The following PFAS variants were observed in gnomAD, a reference collection of about 807,000 sequenced individuals.
PFAS encodes the protein phosphoribosylformylglycinamidine synthase.
A neutral mutation model predicts 140.6 loss-of-function variants in PFAS; 97 were observed. The ratio of observed to expected loss-of-function variants is 0.69; its 90% CI spans 0.59 to 0.82. PFAS has a LOEUF of 0.82. PFAS is among the 40% of genes least tolerant of loss of function. The probability of loss-of-function intolerance (pLI) is 0.00; values close to 1 mark genes in which losing one functional copy is unlikely to be tolerated. For synonymous variants in PFAS, 679 were observed against 718.8 expected, an observed-to-expected ratio of 0.94 and a Z score of 0.88; for missense variants, 1,656 against 1,780.2, an observed-to-expected ratio of 0.93 and a Z score of 1.26.
chr17:8,268,022 T>C (rs1440546062), intron 26 of PFAS, among the ~76,000 whole-genome samples: 3 of 131,752 alleles, frequency 2.3e-5, no homozygotes, highest in Non-Finnish European at 3.1e-5. Context: ...ATATTATTTA[T>C]ATATTATTAA....
intron 11 of PFAS, among the ~76,000 whole-genome samples, chr17:8,260,004 G>A (rs1989527124): frequency 6.6e-6 from 1 of 152,022 alleles, no homozygotes; most frequent in South Asian, 2.1e-4. Context: ...GGGAGGCTGA[G>A]GCAGGAGAAT....
At position 8,265,902 on chromosome 17, in the gene PFAS, G is replaced by C; in HGVS notation, c.2586G>C (p.Arg862=). ...LYVALSPGQH[R]LGGTALAQCF... is the part of the protein sequence containing the mutation. ...TGGCTCTGAGCCCTGGGCAGCACCG[G>C]CTCGGGGGCACAGCTCTGGCCCAGT... The change falls in exon 21 of 28, where the codon CGG becomes CGC. Residue 862 remains arginine, a synonymous_variant. Coordinates refer to ENST00000314666, the MANE Select transcript of PFAS (RefSeq NM_012393.3). 6.2e-7 allele frequency: 1 copy of C among 1,612,510 alleles called. No individual in the cohort carries two copies.
In PFAS at chr17:8,266,510, A is replaced by T; in HGVS notation, c.2821+157A>T. 3 of 1,468,930 alleles carry T rather than the reference A, an allele frequency of 2.0e-6. No individual in the cohort carries two copies. The highest frequency in any genetic ancestry group is 2.6e-5 in the Admixed American group (1 of 38,728). The allele number at this position is 1,468,930 out of a possible 1,614,324, so 91.0% of individuals were successfully genotyped here. On this transcript the variant is annotated intron_variant, in intron 22 of 27. Coordinates refer to ENST00000314666, the MANE Select transcript of PFAS (RefSeq NM_012393.3). The surrounding 1 kb of genome is among the most constrained non-coding windows in gnomAD (Gnocchi z 5.0). ...GCTGTCTCTCTGACAGCTGAACTGGATGGAACTGGCTGACACCCACCATGT... is the reference window on the plus strand; with the variant it reads ...GCTGTCTCTCTGACAGCTGAACTGGTTGGAACTGGCTGACACCCACCATGT...
In PFAS at chr17:8,258,156, G is replaced by A. The variant is rs760029218; in HGVS notation, c.1293G>A (p.Gly431=). The A allele has an allele frequency of 5.0e-6, 8 of 1,614,120 alleles. No individual in the cohort carries two copies. The highest frequency in any genetic ancestry group is 1.7e-5 in the Admixed American group (1 of 60,020). Residue 431 remains glycine, a synonymous_variant, in exon 11 of 28, where the codon GGG becomes GGA. Transcript: ENST00000314666. ...IKPIMFSGGI[G]SMEADHISKE... ...CCATCATGTTTAGTGGGGGCATTGG[G>A]TCCATGGAAGCTGACCACATAAGCA...
intron 9 of PFAS, among the ~76,000 whole-genome samples, chr17:8,257,487 C>T (rs1001874054): frequency 1.8e-4 from 27 of 152,084 alleles, no homozygotes; most frequent in African/African-American, 6.3e-4. Context: ...ACCCGGGAGG[C>T]GGAGCTTTCA....
rs1476563547 is a variant in PFAS at position 8,256,524 on chromosome 17, T to A, written c.822T>A (p.Ser274Arg). ...NNVLKFCDNSSAIQGKEVRFL... is the reference protein window; with the variant it reads ...NNVLKFCDNSRAIQGKEVRFL... ...AGGTCCATGACGGGTATGTCCACAG[T>A]GCAATCCAGGGAAAGGAAGTCCGAT... The change falls in exon 8 of 28, where the codon AGT (serine) becomes AGA (arginine). Residue 274 changes from serine to arginine, a missense_variant and splice_region_variant. Ser to Arg is a moderately radical substitution (Grantham distance 110). This residue lies in a region of PFAS where 773 missense variants were observed against 757.3 expected (regional missense o/e 1.02). Coordinates refer to ENST00000314666, the MANE Select transcript of PFAS (RefSeq NM_012393.3). 1 of 1,613,994 alleles carries A rather than the reference T, an allele frequency of 6.2e-7. No individual in the cohort carries two copies. The highest frequency in any genetic ancestry group is 8.5e-7 in the Non-Finnish European group (1 of 1,180,034).
intron 1 of PFAS, among the ~76,000 whole-genome samples, chr17:8,251,791 C>T (rs762509380): frequency 6.6e-6 from 1 of 151,494 alleles, no homozygotes; most frequent in Non-Finnish European, 1.5e-5. Flanking sequence ...CCTGCCTCAG[C>T]CTCCCGAGTA....
chr17:8,251,261 G>T (rs1453193039), intron 1 of PFAS, among the ~76,000 whole-genome samples: 1 of 152,064 alleles, frequency 6.6e-6, no homozygotes, highest in African/African-American at 2.4e-5. Context: ...ACTCCAGCCT[G>T]GCAACAGAGT....
upstream of PFAS, among the ~76,000 whole-genome samples, chr17:8,248,771 C>G (rs9907212): frequency 0.1 from 15,568 of 152,176 alleles, 1,320 homozygotes; most frequent in East Asian, 0.3. Flanking sequence ...GTTGCCCAGA[C>G]TGGTCTCGAA....
intron 3 of PFAS, 37 bp from the exon 4 acceptor site, chr17:8,254,990 G>A (rs1989301444): frequency 1.4e-6 from 2 of 1,471,276 alleles, no homozygotes; most frequent in Non-Finnish European, 9.5e-7. Context: ...GGCCTGCCGG[G>A]GGTTCTCCAG....
rs1989252582 is a variant in PFAS, at chr17:8,253,842, T to G, written c.-79-17T>G. ...ATGTGAGCCACCACGCCCGGCTTAG[T>G]TAATGTTATTTTTTAGGAACCTAAT... On this transcript the variant is annotated splice_polypyrimidine_tract_variant and intron_variant, in intron 1 of 27. Transcript: ENST00000314666. 6.7e-7 allele frequency: 1 copy of G among 1,493,686 alleles called. No individual in the cohort carries two copies. Among genetic ancestry groups the G allele is most frequent in the East Asian group, 2.3e-5 (1 of 42,852 alleles). 92.5% of individuals were successfully genotyped at this position (1,493,686 alleles called of 1,614,324 possible).
rs1330938126 is a variant in PFAS at position 8,254,735 on chromosome 17, C to G, written c.279-292C>G. 2.0e-5 allele frequency among the ~76,000 whole-genome samples: 3 copies of G among 152,194 alleles called. No individual in the cohort carries two copies. In the East Asian group the frequency reaches 5.8e-4, roughly 29 times the overall value. Reference sequence around the variant, plus strand: ...AGGAGAATGGTGTGAACCCGGGAGGCAGAGGTTGCAGTGAACCGAGATCAC... The same window carrying G: ...AGGAGAATGGTGTGAACCCGGGAGGGAGAGGTTGCAGTGAACCGAGATCAC... On this transcript the variant is annotated intron_variant, in intron 3 of 27. Transcript: ENST00000314666.
upstream of PFAS, chr17:8,248,004 G>C (rs757066174): frequency 6.2e-7 from 1 of 1,610,776 alleles, no homozygotes; most frequent in Admixed American, 1.7e-5. Flanking sequence ...CAGCACTCAC[G>C]GAGGAAGGGA....
rs1164713254 is a variant in PFAS at position 8,269,323 on chromosome 17, T to A, written c.*59T>A. ...TTTCACCTAAGTGGGTCCTGCCCCC[T>A]CCCCCATGACCTTCAGGAGCACCCC... On this transcript the variant is annotated 3_prime_UTR_variant, in exon 28 of 28. Transcript: ENST00000314666. 8.1e-7 allele frequency: 1 copy of A among 1,239,580 alleles called. No individual in the cohort carries two copies. The highest frequency in any genetic ancestry group is 1.1e-6 in the Non-Finnish European group (1 of 880,124). The allele number at this position is 1,239,580 out of a possible 1,614,324, so 76.8% of individuals were successfully genotyped here.
rs117346763 is a variant in PFAS, at chr17:8,267,870, G to A, written c.3382+205G>A. Among the ~76,000 whole-genome samples the A allele has an allele frequency of 0.04, 5,808 of 143,856 alleles. 210 individuals are homozygous for A. The highest frequency in any genetic ancestry group is 0.093 in the African/African-American group (3,666 of 39,252). 94.4% of individuals were successfully genotyped at this position (143,856 alleles called of 152,430 possible). ...AAAAAAAGTATATATATACACATAT[G>A]TAATTAAAATATATATTATTAAATA... On this transcript the variant is annotated intron_variant, in intron 26 of 27. Coordinates refer to ENST00000314666, the MANE Select transcript of PFAS (RefSeq NM_012393.3). The surrounding 1 kb of genome is among the most constrained non-coding windows in gnomAD (Gnocchi z 4.9).
intron 11 of PFAS, among the ~76,000 whole-genome samples, chr17:8,260,306 A>C (rs149302651): frequency 2.0e-5 from 3 of 152,294 alleles, no homozygotes; most frequent in African/African-American, 4.8e-5. Flanking sequence ...TTTTCAGCAC[A>C]ATTATAATCT....
chr17:8,269,067 C>A lies in PFAS; in HGVS notation c.3820C>A (p.Pro1274Thr). ...GNPTEQYPLN[P>T]NGSPGGVAGI... is the part of the protein sequence containing the mutation. ...CCCCACAGAGCAGTACCCTCTGAAT[C>A]CCAATGGGTCCCCAGGGGGCGTGGC... Residue 1274 changes from proline (P) to threonine (T), a missense_variant, in exon 28 of 28, where the codon CCC (proline) becomes ACC (threonine). Transcript: ENST00000314666. 6.2e-7 allele frequency: 1 copy of A among 1,614,110 alleles called. No homozygotes were observed. The highest frequency in any genetic ancestry group is 8.5e-7 in the Non-Finnish European group (1 of 1,179,924).
upstream of PFAS, chr17:8,248,081 G>T: frequency 1.4e-6 from 2 of 1,475,154 alleles, no homozygotes; most frequent in Middle Eastern, 4.6e-4. Flanking sequence ...TGCTCGCTTG[G>T]GGGTGGGGAT....
At chr17:8,249,888 C>T (rs1358796279) in intron 1 of PFAS, among the ~76,000 whole-genome samples, 2 of 152,182 alleles carry the variant, frequency 1.3e-5, no homozygotes, top group Non-Finnish European at 2.9e-5. Context: ...GAAGCAGCAA[C>T]ATCCCATGCC....
Sources: allele counts gnomAD v4.1 joint callset (sites outside exome capture counted in the v4.1 genomes callset), GRCh38; gene constraint gnomAD v4.1.1; regional missense constraint gnomAD v4.1.1; non-coding constraint Gnocchi (gnomAD v3.1); transcripts MANE v1.5; gene names NCBI Gene and HGNC (gene_info 2026-07-23, HGNC 2026-07-21).